The following RUBCN variants were observed in gnomAD, a reference collection of about 807,000 sequenced individuals.
The protein encoded by RUBCN is run domain Beclin-1-interacting and cysteine-rich domain-containing protein.
A neutral mutation model predicts 113.2 loss-of-function variants in RUBCN; 74 were observed. The ratio of observed to expected loss-of-function variants is 0.65; its 90% CI spans 0.54 to 0.79. The LOEUF is 0.79. RUBCN is among the 30% of genes least tolerant of loss of function. RUBCN has a pLI of 0.00. For synonymous variants in RUBCN, 480 were observed against 490.0 expected, an observed-to-expected ratio of 0.98 and a Z score of 0.27; for missense variants, 1,109 against 1,251.7, an observed-to-expected ratio of 0.89 and a Z score of 1.72.
chr3:197,749,198 C>T, intron 1 of RUBCN: 1 of 813,174 alleles, frequency 1.2e-6, no homozygotes, highest in South Asian at 4.9e-5. Flanking sequence ...AAAAAGTAAA[C>T]GAACCCTTCT....
chr3:197,686,988 C>T (rs1005034934), intron 11 of RUBCN, among the ~76,000 whole-genome samples: 4 of 152,186 alleles, frequency 2.6e-5, no homozygotes, highest in African/African-American at 7.2e-5. Context: ...GAATTTGCTG[C>T]GTGTCCAGAC....
intron 1 of RUBCN, among the ~76,000 whole-genome samples, 176 bp from the exon 2 acceptor site, chr3:197,718,306 A>G (rs1725774246): frequency 6.6e-6 from 1 of 152,180 alleles, no homozygotes; most frequent in Non-Finnish European, 1.5e-5. Context: ...TGTGAACAAT[A>G]CTAATTTAAA....
rs1484174537 is a variant in RUBCN, at chr3:197,669,013, CAT to C, written c.*6003_*6004del. On this transcript the variant is annotated 3_prime_UTR_variant, in exon 20 of 20. Transcript: ENST00000296343. The stretch of plus-strand genomic sequence containing the variant: ...GTTTTCCTTATGTATTTTTTCTAAC[CAT>C]ATTTTTGCATAACTGTAATTATGAT... Among the ~76,000 whole-genome samples, 1 of 152,110 alleles carries C rather than the reference CAT, an allele frequency of 6.6e-6. No homozygotes were observed. Among genetic ancestry groups the C allele is most frequent in the Admixed American group, 6.5e-5 (1 of 15,268 alleles).
intron 1 of RUBCN, among the ~76,000 whole-genome samples, chr3:197,733,033 G>A (rs1727700615): frequency 6.6e-6 from 1 of 152,192 alleles, no homozygotes; most frequent in Admixed American, 6.5e-5. Flanking sequence ...ACTCAGGCAG[G>A]TTACGTAAAG....
At chr3:197,723,683 T>C (rs1364467022) in intron 1 of RUBCN, among the ~76,000 whole-genome samples, 1 of 152,204 alleles carries the variant, frequency 6.6e-6, no homozygotes, top group African/African-American at 2.4e-5. Context: ...AATGATATAA[T>C]TATCAATATC....
chr3:197,741,959 G>A (rs551076791), intron 1 of RUBCN, among the ~76,000 whole-genome samples: 3 of 151,456 alleles, frequency 2.0e-5, no homozygotes, highest in East Asian at 4.0e-4. Flanking sequence ...GTGCAGTGGC[G>A]CAATCTTGGC....
At chr3:197,727,768 G>A (rs1043966841) in intron 1 of RUBCN, among the ~76,000 whole-genome samples, 6 of 152,164 alleles carry the variant, frequency 3.9e-5, no homozygotes, top group Admixed American at 1.3e-4. Context: ...GTGTTACTGC[G>A]GCACAATAAG....
At chr3:197,732,289 C>T (rs73894334) in intron 1 of RUBCN, among the ~76,000 whole-genome samples, 4,875 of 152,292 alleles carry the variant, frequency 0.032, 253 homozygotes, top group African/African-American at 0.11. Flanking sequence ...GCCAGAAAGA[C>T]CATTCCTTTA....
upstream of RUBCN, among the ~76,000 whole-genome samples, chr3:197,738,751 GTT>G (rs11332801): frequency 2.1e-5 from 3 of 142,474 alleles, no homozygotes; most frequent in African/African-American, 5.1e-5. Context: ...CAGCTAATTT[GTT>G]TTTTTTTTTT....
At chr3:197,686,324 T>C (rs539659550) in intron 11 of RUBCN, among the ~76,000 whole-genome samples, 7 of 152,340 alleles carry the variant, frequency 4.6e-5, no homozygotes, top group South Asian at 4.1e-4. Context: ...AACGTGTTTC[T>C]TCCTTTTACT....
chr3:197,705,566 GAAAAAAAAAA>G (rs1023962921), intron 2 of RUBCN, among the ~76,000 whole-genome samples: 1 of 42,510 alleles, frequency 2.4e-5, no homozygotes, highest in East Asian at 8.8e-4. Context: ...CCCTAACTCA[GAAAAAAAAAA>G]AAAAAAAAGA....
intron 1 of RUBCN, among the ~76,000 whole-genome samples, chr3:197,736,131 C>T (rs189001307): frequency 6.6e-6 from 1 of 152,038 alleles, no homozygotes; most frequent in Non-Finnish European, 1.5e-5. Flanking sequence ...CCATGACACT[C>T]GCTCACTTTC....
rs767082198 is a variant in RUBCN at position 197,700,650 on chromosome 3, G to A, written c.1224C>T (p.Ser408=). Residue 408 remains serine, a synonymous_variant, in exon 7 of 20, where the codon TCC becomes TCT. Coordinates refer to ENST00000296343, the MANE Select transcript of RUBCN (RefSeq NM_014687.4). ...TSGAKKSHIR[S]HSDTSIASRG... Reference sequence around the variant, plus strand: ...TGGAGGCAATGCTGGTATCCGAATGGGAGCGAATGTGGCTTTTCTTTGCCC... The same window carrying A: ...TGGAGGCAATGCTGGTATCCGAATGAGAGCGAATGTGGCTTTTCTTTGCCC... The A allele has an allele frequency of 5.9e-5, 95 of 1,613,990 alleles. No homozygotes were observed. Among genetic ancestry groups the A allele is most frequent in the Non-Finnish European group, 7.8e-5 (92 of 1,180,010 alleles).
At chr3:197,739,461 A>G (rs1728420557), upstream of RUBCN, among the ~76,000 whole-genome samples, 3 of 150,768 alleles carry the variant, frequency 2.0e-5, no homozygotes, top group Admixed American at 2.0e-4. Context: ...TGGGAGGTCA[A>G]GGCGGGCAGA....
intron 9 of RUBCN, among the ~76,000 whole-genome samples, chr3:197,695,519 C>T (rs905482745): frequency 3.9e-5 from 6 of 151,990 alleles, no homozygotes; most frequent in Non-Finnish European, 7.4e-5. Flanking sequence ...GAGGATTGCT[C>T]GAGCCCAGGA....
intron 11 of RUBCN, among the ~76,000 whole-genome samples, chr3:197,690,182 GT>G (rs1309309193): frequency 6.6e-6 from 1 of 152,220 alleles, no homozygotes; most frequent in Non-Finnish European, 1.5e-5. Context: ...GCTCACTCCT[GT>G]AATTCCAACA....
intron 11 of RUBCN, among the ~76,000 whole-genome samples, chr3:197,686,249 C>CT (rs72044157): frequency 6.7e-5 from 10 of 149,376 alleles, no homozygotes; most frequent in Non-Finnish European, 7.5e-5. Flanking sequence ...GAGAAGAAAC[C>CT]TTTTTTTTTT....
intron 1 of RUBCN, 62 bp downstream of exon 1, chr3:197,736,593 C>G: frequency 2.0e-6 from 3 of 1,512,782 alleles, no homozygotes; most frequent in Non-Finnish European, 2.7e-6. Context: ...CCGCGCCCTC[C>G]CAAGCCTCCC....
In RUBCN at chr3:197,680,102, G is replaced by A. The variant is rs1452608953; in HGVS notation, c.2430+1027C>T. The stretch of plus-strand genomic sequence containing the variant: ...CTGACAACTGGCTTCAGACTGTCCT[G>A]TGCTCTGACAACTGGCTTCAGACTG... On this transcript the variant is annotated intron_variant, in intron 16 of 19. Coordinates refer to ENST00000296343, the MANE Select transcript of RUBCN (RefSeq NM_014687.4). Among the ~76,000 whole-genome samples, 10 of 125,186 alleles carry A rather than the reference G, an allele frequency of 8.0e-5. No individual in the cohort carries two copies. In the East Asian group the frequency reaches 1.0e-3, roughly 13 times the overall value. The allele number at this position is 125,186 out of a possible 152,430, so 82.1% of individuals were successfully genotyped here. A position where few individuals can be genotyped will look rare whatever the true frequency, so the allele number is the denominator to read the frequency against.
Sources: allele counts gnomAD v4.1 joint callset (sites outside exome capture counted in the v4.1 genomes callset), GRCh38; gene constraint gnomAD v4.1.1; transcripts MANE v1.5; gene names NCBI Gene and HGNC (gene_info 2026-07-23, HGNC 2026-07-21).